Variants in KDM5A observed in about 807,000 individuals in gnomAD.
KDM5A encodes lysine-specific demethylase 5A.
Under a neutral mutation model 193.5 loss-of-function variants are expected in KDM5A, and 42 were observed. The observed-to-expected ratio is 0.22, with a 90% CI of 0.17 to 0.28. The LOEUF (loss-of-function observed/expected upper bound fraction) is 0.28, where lower values mean the gene tolerates loss of function less well. KDM5A is among the 10% of genes least tolerant of loss of function. KDM5A has a pLI of 1.00. For missense variants in KDM5A, 1,692 were observed against 2,055.1 expected (o/e 0.82, Z 3.42); for synonymous variants, 796 against 718.1 (o/e 1.11, Z -1.73).
chr12:388,437 C>A (rs1235159469), intron 1 of KDM5A: 1 of 399,002 alleles, frequency 2.5e-6, no homozygotes, highest in African/African-American at 2.1e-5. Flanking sequence ...TTTTTCACTG[C>A]GGCAATAATT....
At chr12:305,973 T>TG (rs1555128065) in intron 24 of KDM5A, among the ~76,000 whole-genome samples, 1 of 144,984 alleles carries the variant, frequency 6.9e-6, no homozygotes, top group African/African-American at 2.6e-5. Flanking sequence ...GGAAGTGTTT[T>TG]TTTTTTTTTT....
chr12:328,273 C>A lies in KDM5A; in HGVS notation c.1968+562G>T, dbSNP rs531332533. ...CATGATACAAAAACAGGAGGAAGCA[C>A]GGTGTAAACCTAATGAAGCTAGCTA... On this transcript the variant is annotated intron_variant, in intron 14 of 27. Transcript: ENST00000399788. 2.0e-5 allele frequency among the ~76,000 whole-genome samples: 3 copies of A among 152,168 alleles called. No homozygotes were observed. In the South Asian group the frequency reaches 6.2e-4, roughly 32 times the overall value.
intron 3 of KDM5A, among the ~76,000 whole-genome samples, chr12:367,529 T>C (rs1482792848): frequency 1.3e-5 from 2 of 152,046 alleles, no homozygotes; most frequent in Non-Finnish European, 2.9e-5. Context: ...AAACCCCATC[T>C]CTTCTAAAAA....
intron 5 of KDM5A, among the ~76,000 whole-genome samples, chr12:359,475 G>C (rs1944267046): frequency 6.6e-6 from 1 of 152,066 alleles, no homozygotes; most frequent in Non-Finnish European, 1.5e-5. Flanking sequence ...TTTACAGCTG[G>C]GCACAGTGGC....
intron 16 of KDM5A, 99 bp from the exon 17 acceptor site, chr12:322,666 C>T: frequency 2.1e-6 from 2 of 945,820 alleles, no homozygotes; most frequent in East Asian, 4.8e-5. Context: ...CCCCAACCTA[C>T]TTGTAGAAAT....
chr12:354,291 C>T (rs2137454860), intron 7 of KDM5A, 57 bp from the exon 8 acceptor site: 1 of 1,226,124 alleles, frequency 8.2e-7, no homozygotes, highest in Non-Finnish European at 1.2e-6. Context: ...TAAATTTTTA[C>T]CAGGAACTCC....
intron 1 of KDM5A, chr12:388,322 C>A (rs536847013): frequency 4.4e-6 from 2 of 455,718 alleles, no homozygotes; most frequent in Admixed American, 4.7e-5. Context: ...GAGTTCCCTA[C>A]GTCAAGAGAT....
intron 13 of KDM5A, among the ~76,000 whole-genome samples, chr12:330,683 C>A (rs1943853852): frequency 6.6e-6 from 1 of 152,150 alleles, no homozygotes; most frequent in Non-Finnish European, 1.5e-5. Context: ...CTTGTTCTTG[C>A]TAAATTATGC....
At chr12:323,567 G>T in intron 15 of KDM5A, 33 bp downstream of exon 15, 1 of 1,591,082 alleles carries the variant, frequency 6.3e-7, no homozygotes, top group Non-Finnish European at 8.6e-7. Context: ...TTAAAAAAAG[G>T]TAATGGAAGT....
chr12:340,661 C>G (rs1943992614), intron 10 of KDM5A, among the ~76,000 whole-genome samples: 2 of 129,450 alleles, frequency 1.5e-5, no homozygotes, highest in East Asian at 5.3e-4. Flanking sequence ...TGCCACTGCA[C>G]TCTAGCCCAG....
In KDM5A at chr12:283,573, A is replaced by C. The variant is rs754234003; in HGVS notation, c.*1883T>G. 1.5e-4 allele frequency: 34 copies of C among 233,082 alleles called. No individual in the cohort carries two copies. Among genetic ancestry groups the C allele is most frequent in the Non-Finnish European group, 2.4e-4 (28 of 117,756 alleles). The allele number at this position is 233,082 out of a possible 1,614,324, so 14.4% of individuals were successfully genotyped here. A position where few individuals can be genotyped will look rare whatever the true frequency, so the allele number is the denominator to read the frequency against. On this transcript the variant is annotated 3_prime_UTR_variant, in exon 28 of 28. Transcript: ENST00000399788. ...CTTTTTTTTTGTAAGATTCCTTTTG[A>C]GTTAAATCTCATACCCACTCAAACT...
chr12:305,969 G>GTTTTTTTTTTTT (rs3038312), intron 24 of KDM5A, among the ~76,000 whole-genome samples: 2 of 104,216 alleles, frequency 1.9e-5, no homozygotes, highest in Non-Finnish European at 3.7e-5. Flanking sequence ...CAATGGAAGT[G>GTTTTTTTTTTTT]TTTTTTTTTT....
chr12:332,566 C>G (rs1482619583), intron 12 of KDM5A, among the ~76,000 whole-genome samples: 1 of 152,072 alleles, frequency 6.6e-6, no homozygotes, highest in Non-Finnish European at 1.5e-5. Flanking sequence ...CAGGCATTAG[C>G]TTGAATTTGA....
intron 2 of KDM5A, 89 bp downstream of exon 2, chr12:385,808 C>G: frequency 1.1e-6 from 1 of 922,960 alleles, no homozygotes; most frequent in East Asian, 2.4e-5. Context: ...AAACTCTAGG[C>G]TGTGGTACAT....
intron 10 of KDM5A, among the ~76,000 whole-genome samples, chr12:338,515 C>G (rs1362104675): frequency 6.6e-6 from 1 of 152,208 alleles, no homozygotes; most frequent in African/African-American, 2.4e-5. Context: ...TGCCCATGCA[C>G]TGTTTCCCTT....
In KDM5A at chr12:292,920, C is replaced by T. The variant is rs1285618565; in HGVS notation, c.4705G>A (p.Ala1569Thr). ...EERKKKKEKAAAAKVELVKES... is the reference protein window; with the variant it reads ...EERKKKKEKATAAKVELVKES... The stretch of plus-strand genomic sequence containing the variant: ...TTCACAAGTTCAACTTTGGCTGCAG[C>T]AGCCTTCTCCTTCTTTTTCTTTCTC... Residue 1569 changes from alanine to threonine, a missense_variant, in exon 27 of 28, where the codon GCT becomes ACT. Around this residue, in one of 11 missense-constraint regions of KDM5A, gnomAD observed 965 missense variants for 1,061.0 expected, o/e 0.91. Transcript: ENST00000399788. The T allele has an allele frequency of 6.2e-7, 1 of 1,613,874 alleles. No individual in the cohort carries two copies. The highest frequency in any genetic ancestry group is 1.3e-5 in the African/African-American group (1 of 74,924).
intron 26 of KDM5A, among the ~76,000 whole-genome samples, chr12:295,129 C>A (rs1439860278): frequency 6.6e-6 from 1 of 151,992 alleles, no homozygotes; most frequent in Non-Finnish European, 1.5e-5. Context: ...CAATCTTGCC[C>A]TTCCCCGCTT....
chr12:374,386 A>G (rs1393948039), intron 3 of KDM5A, among the ~76,000 whole-genome samples: 1 of 152,198 alleles, frequency 6.6e-6, no homozygotes, highest in Non-Finnish European at 1.5e-5. Flanking sequence ...ATCAGAGACT[A>G]GGATTGCAAC....
At chr12:290,413 C>A (rs1411973493) in intron 27 of KDM5A, among the ~76,000 whole-genome samples, 1 of 152,166 alleles carries the variant, frequency 6.6e-6, no homozygotes, top group Non-Finnish European at 1.5e-5. Context: ...GTGGGGCACA[C>A]GTTGCTCACC....
Sources: gnomAD v4.1 joint callset for allele counts (sites outside exome capture counted in the v4.1 genomes callset) on GRCh38, gnomAD v4.1.1 for gene constraint, gnomAD v4.1.1 regional missense constraint, MANE v1.5 for transcripts, NCBI Gene and HGNC (gene_info 2026-07-23, HGNC 2026-07-21) for gene names.